Variants in EPHB2 observed in about 807,000 individuals in gnomAD.
EPHB2 encodes ephrin type-B receptor 2.
A neutral mutation model predicts 96.4 loss-of-function variants in EPHB2; 18 were observed. The ratio of observed to expected loss-of-function variants is 0.19; its 90% CI spans 0.13 to 0.28. EPHB2 has a LOEUF of 0.28. EPHB2 is among the 10% of genes least tolerant of loss of function. The pLI, the probability that EPHB2 is intolerant of heterozygous loss-of-function variation, is 1.00. For synonymous variants in EPHB2, 506 were observed against 534.1 expected (o/e 0.95, Z 0.72); for missense variants, 989 against 1,355.4 (o/e 0.73, Z 4.25).
intron 3 of EPHB2, among the ~76,000 whole-genome samples, chr1:22,796,009 CAG>C (rs1053842304): frequency 6.6e-6 from 1 of 152,200 alleles, no homozygotes; most frequent in Non-Finnish European, 1.5e-5. Context: ...ACCAAGGTCT[CAG>C]GGGAGCCCAG....
In EPHB2 at chr1:22,764,070, C is replaced by G. The variant is rs1644272334; in HGVS notation, c.62-17351C>G. 3.9e-5 allele frequency among the ~76,000 whole-genome samples: 6 copies of G among 152,178 alleles called. No individual in the cohort carries two copies. In the South Asian group the frequency reaches 1.2e-3, roughly 32 times the overall value. ...CCTAATCTCATCTCATTTGCAAAGT[C>G]CCTGTTGCTACGTAAGGCAACATTC... is the stretch of plus-strand genomic sequence containing the variant. On this transcript the variant is annotated intron_variant, in intron 1 of 15. Transcript: ENST00000374630.
chr1:22,840,871 C>T (rs551353331), intron 3 of EPHB2, among the ~76,000 whole-genome samples: 2 of 152,296 alleles, frequency 1.3e-5, no homozygotes, highest in East Asian at 3.9e-4. Flanking sequence ...CAACAACCCC[C>T]TGTGTTAGGT....
chr1:22,857,858 C>A (rs977028628), intron 3 of EPHB2, among the ~76,000 whole-genome samples: 1 of 152,100 alleles, frequency 6.6e-6, no homozygotes, highest in Non-Finnish European at 1.5e-5. Flanking sequence ...CGCGGCTCTG[C>A]TAGGGGCTGG....
intron 1 of EPHB2, among the ~76,000 whole-genome samples, chr1:22,745,812 G>C (rs539020977): frequency 3.3e-5 from 5 of 152,308 alleles, no homozygotes; most frequent in Non-Finnish European, 7.4e-5. Context: ...ATCGGCAGCT[G>C]TGAGCGCAGC....
chr1:22,881,409 TAGCC>T (rs1639040880), intron 5 of EPHB2, among the ~76,000 whole-genome samples: 1 of 150,506 alleles, frequency 6.6e-6, no homozygotes, highest in South Asian at 2.1e-4. Flanking sequence ...AAAAAAAAAT[TAGCC>T]AGGCATGGTG....
At chr1:22,803,421 A>T (rs1412982582) in intron 3 of EPHB2, among the ~76,000 whole-genome samples, 1 of 151,936 alleles carries the variant, frequency 6.6e-6, no homozygotes, top group Non-Finnish European at 1.5e-5. Flanking sequence ...AGCCTGGGCA[A>T]CATGGTGAAA....
rs770474543 is a variant in EPHB2 at position 22,858,312 on chromosome 1, T to A, written c.812-4725T>A. 6.6e-6 allele frequency among the ~76,000 whole-genome samples: 1 copy of A among 152,058 alleles called. No individual in the cohort carries two copies. On this transcript the variant is annotated intron_variant, in intron 3 of 15. Coordinates refer to ENST00000374630, the MANE Select transcript of EPHB2 (RefSeq NM_017449.5). This position sits in a 1 kb window ranked among gnomAD's most constrained non-coding sequence, Gnocchi z 7.7. ...GCTAGGCATGTGGGTCTATTCTAAGTGCAGTGGGGATAAATGGTGCACGAG... is the reference window on the plus strand; with the variant it reads ...GCTAGGCATGTGGGTCTATTCTAAGAGCAGTGGGGATAAATGGTGCACGAG...
At chr1:22,737,410 A>G (rs948114635) in intron 1 of EPHB2, among the ~76,000 whole-genome samples, 27 of 151,922 alleles carry the variant, frequency 1.8e-4, no homozygotes, top group Non-Finnish European at 1.5e-4. Flanking sequence ...CATCCCACAA[A>G]CTCTAGGTGG....
chr1:22,810,162 C>T lies in EPHB2; in HGVS notation c.811+25086C>T, dbSNP rs2817875. Among the ~76,000 whole-genome samples the T allele has an allele frequency of 4.0e-3, 611 of 152,244 alleles. 2 individuals carry two copies. The highest frequency in any genetic ancestry group is 0.014 in the African/African-American group (587 of 41,550). ...GGGGGACTTAGAGGGTTGGACTAGG[C>T]AGCTCTTGTGCGGGAGACCTGGGCA... On this transcript the variant is annotated intron_variant, in intron 3 of 15. Coordinates refer to ENST00000374630, the MANE Select transcript of EPHB2 (RefSeq NM_017449.5).
At chr1:22,831,508 C>T (rs1645303378) in intron 3 of EPHB2, among the ~76,000 whole-genome samples, 1 of 152,034 alleles carries the variant, frequency 6.6e-6, no homozygotes, top group South Asian at 2.1e-4. Context: ...ACCCAGGAAC[C>T]CTTACAAGTC....
chr1:22,752,780 CAT>C (rs904529773), intron 1 of EPHB2, among the ~76,000 whole-genome samples: 2 of 152,030 alleles, frequency 1.3e-5, no homozygotes, highest in African/African-American at 2.4e-5. Flanking sequence ...CACACACACA[CAT>C]GCACACACAC....
At chr1:22,723,203 C>T (rs1211925658) in intron 1 of EPHB2, among the ~76,000 whole-genome samples, 2 of 152,234 alleles carry the variant, frequency 1.3e-5, no homozygotes, top group East Asian at 1.9e-4. Flanking sequence ...AGCGGCTTAG[C>T]GCACAGTGGG....
Position 22,711,500 on chromosome 1 carries a change from G to T in EPHB2, c.61+457G>T, listed in dbSNP as rs937615763. 2.6e-5 allele frequency among the ~76,000 whole-genome samples: 4 copies of T among 151,162 alleles called. No individual in the cohort carries two copies. In the East Asian group the frequency reaches 5.9e-4, roughly 22 times the overall value. On this transcript the variant is annotated intron_variant, in intron 1 of 15. Coordinates refer to ENST00000374630, the MANE Select transcript of EPHB2 (RefSeq NM_017449.5). Reference sequence around the variant, plus strand: ...GCAGAGGGAGGGAGGCACCGCGGCCGGCCGGGGTGGGGGCTCCCGGCCCGC... The same window carrying T: ...GCAGAGGGAGGGAGGCACCGCGGCCTGCCGGGGTGGGGGCTCCCGGCCCGC...
At position 22,836,454 on chromosome 1, in the gene EPHB2, C is replaced by A. The variant is rs1022182460; in HGVS notation, c.812-26583C>A. 4.6e-5 allele frequency among the ~76,000 whole-genome samples: 7 copies of A among 152,226 alleles called. No homozygotes were observed. The East Asian group carries it at 1.2e-3, about 25-fold the overall frequency. On this transcript the variant is annotated intron_variant, in intron 3 of 15. Coordinates refer to ENST00000374630, the MANE Select transcript of EPHB2 (RefSeq NM_017449.5). ...TGGGCATGTATTTTGGTACATTGAT[C>A]CGTAGAAGCCGTAGAATGTTGTGCG...
chr1:22,775,687 G>A (rs1220915219), intron 1 of EPHB2, among the ~76,000 whole-genome samples: 1 of 152,228 alleles, frequency 6.6e-6, no homozygotes, highest in East Asian at 1.9e-4. Flanking sequence ...CGGCAGTCAG[G>A]GCCTCCTGAT....
chr1:22,746,476 G>A (rs1164307249), intron 1 of EPHB2, among the ~76,000 whole-genome samples: 1 of 152,232 alleles, frequency 6.6e-6, no homozygotes, highest in Non-Finnish European at 1.5e-5. Flanking sequence ...GGGGCAGGGT[G>A]AGGCCAGGGA....
chr1:22,908,086 A>C lies in EPHB2; in HGVS notation c.2270A>C (p.Asn757Thr). 6.2e-7 allele frequency: 1 copy of C among 1,614,228 alleles called. No homozygotes were observed. The highest frequency in any genetic ancestry group is 8.5e-7 in the Non-Finnish European group (1 of 1,180,044). Residue 757 changes from asparagine to threonine, a missense_variant, in exon 12 of 16, where the codon AAC becomes ACC. Coordinates refer to ENST00000374630, the MANE Select transcript of EPHB2 (RefSeq NM_017449.5). ...GCCCGCAACATCCTCGTCAACAGCA[A>C]CCTGGTCTGCAAGGTGTCGGACTTT... ...LAARNILVNS[N>T]LVCKVSDFGL...
Position 22,912,434 on chromosome 1 carries a change from C to T in EPHB2, c.2697-10C>T. On this transcript the variant is annotated splice_polypyrimidine_tract_variant and intron_variant, in intron 14 of 15. Transcript: ENST00000374630. ...CCCTGACCATCTCTGTCGCCCACCC[C>T]CAACCCCAGCATCAACCTGCCGCTG... 1 of 1,613,928 alleles carries T rather than the reference C, an allele frequency of 6.2e-7. No individual in the cohort carries two copies. The highest frequency in any genetic ancestry group is 1.1e-5 in the South Asian group (1 of 91,080).
rs752455041 is a variant in EPHB2, at chr1:22,909,145, C to T, written c.2476C>T (p.Pro826Ser). The T allele has an allele frequency of 1.4e-5, 22 of 1,614,190 alleles. No homozygotes were observed. Among genetic ancestry groups the T allele is most frequent in the Non-Finnish European group, 1.8e-5 (21 of 1,180,016 alleles). Reference sequence around the variant, plus strand: ...GGAGGTGATGTCCTATGGGGAGCGGCCCTACTGGGACATGACCAACCAGGA... The same window carrying T: ...GGAGGTGATGTCCTATGGGGAGCGGTCCTACTGGGACATGACCAACCAGGA... The part of the protein sequence containing the change: ...MWEVMSYGER[P>S]YWDMTNQDVI... Residue 826 changes from proline (P) to serine (S), a missense_variant, in exon 13 of 16, where the codon CCC (proline) becomes TCC (serine). Transcript: ENST00000374630.
Sources: allele counts gnomAD v4.1 joint callset (sites outside exome capture counted in the v4.1 genomes callset), GRCh38; gene constraint gnomAD v4.1.1; non-coding constraint Gnocchi (gnomAD v3.1); transcripts MANE v1.5; gene names NCBI Gene and HGNC (gene_info 2026-07-23, HGNC 2026-07-21).